Variants in ZNF540 observed in about 807,000 individuals in gnomAD.
The protein encoded by ZNF540 is CTD-3064H18.6.
ZNF540 carries 3 observed loss-of-function variants against 11.8 expected under a neutral mutation model. The ratio of observed to expected loss-of-function variants is 0.25; its 90% CI spans 0.12 to 0.65. The LOEUF (loss-of-function observed/expected upper bound fraction) is 0.65, where lower values mean the gene tolerates loss of function less well. Ranked by LOEUF, ZNF540 falls within the 30% of genes least tolerant of loss-of-function variation. The pLI is 0.83. For synonymous variants in ZNF540, 247 were observed against 259.0 expected (o/e 0.95, Z 0.45); for missense variants, 709 against 793.1 (o/e 0.89, Z 1.27).
upstream of ZNF540, among the ~76,000 whole-genome samples, chr19:37,592,180 C>A (rs1393530221): frequency 3.3e-5 from 5 of 152,048 alleles, no homozygotes; most frequent in Non-Finnish European, 7.4e-5. Context: ...ACCTTTTGAA[C>A]CTGGGAGGTG....
intron 4 of ZNF540, among the ~76,000 whole-genome samples, chr19:37,607,158 T>C (rs143507899): frequency 1.3e-5 from 2 of 152,278 alleles, no homozygotes; most frequent in African/African-American, 4.8e-5. Context: ...ATTAACAAAC[T>C]TTATTTTTAA....
At chr19:37,588,890 A>C (rs771397993) in intron 1 of ZNF540, among the ~76,000 whole-genome samples, 8 of 152,160 alleles carry the variant, frequency 5.3e-5, no homozygotes, top group Non-Finnish European at 1.2e-4. Context: ...CAAATATATA[A>C]GATATCTAAA....
chr19:37,552,027 A>C (rs1480611583), intron 1 of ZNF540, among the ~76,000 whole-genome samples: 6 of 152,030 alleles, frequency 3.9e-5, no homozygotes, highest in East Asian at 1.9e-4. Context: ...TTTAAGTGGG[A>C]ACTTAAACCA....
chr19:37,564,159 C>T (rs2042768260), intron 1 of ZNF540: 1 of 152,302 alleles, frequency 6.6e-6, no homozygotes, highest in Non-Finnish European at 1.5e-5. Flanking sequence ...ATGGTTGCAT[C>T]TTTTTACTGT....
chr19:37,576,643 T>A (rs2043251559), intron 1 of ZNF540, among the ~76,000 whole-genome samples: 1 of 152,168 alleles, frequency 6.6e-6, no homozygotes, highest in Admixed American at 6.6e-5. Flanking sequence ...AAAACATGTT[T>A]AAGATTATAA....
upstream of ZNF540, among the ~76,000 whole-genome samples, chr19:37,592,869 CA>C (rs988110801): frequency 1.4e-4 from 21 of 152,270 alleles, no homozygotes; most frequent in African/African-American, 3.9e-4. Flanking sequence ...AGTTTTTCTA[CA>C]AATCAACAGC....
chr19:37,563,765 A>T (rs2042754543), intron 1 of ZNF540: 1 of 29,410 alleles, frequency 3.4e-5, no homozygotes, highest in Non-Finnish European at 5.6e-5. Flanking sequence ...TATTCCACAT[A>T]CACACATGTG....
In ZNF540 at chr19:37,572,226, T is replaced by C. The variant is rs376445772; in HGVS notation, c.-73+20561T>C. On this transcript the variant is annotated intron_variant, in intron 1 of 4. Transcript: ENST00000592533. ...AATAAAACATTCAGTTGTCAATCTA[T>C]ATAGAAGCTTAAAACTCTTTACTGT... is the stretch of plus-strand genomic sequence containing the variant. 4.2e-5 allele frequency among the ~76,000 whole-genome samples: 6 copies of C among 144,508 alleles called. 1 individual carries two copies. The Admixed American group carries it at 4.2e-4, about 10-fold the overall frequency. 94.8% of individuals were successfully genotyped at this position (144,508 alleles called of 152,430 possible).
intron 1 of ZNF540, chr19:37,554,694 A>C (rs967059429): frequency 6.6e-6 from 1 of 152,104 alleles, no homozygotes; most frequent in Non-Finnish European, 1.5e-5. Context: ...ATTTACATAT[A>C]TCTTTATATT....
intron 1 of ZNF540, chr19:37,555,850 A>T: frequency 1.4e-6 from 1 of 698,666 alleles, no homozygotes; most frequent in Non-Finnish European, 2.6e-6. Context: ...GAGGATTACA[A>T]TTTTTTCTAG....
intron 1 of ZNF540, among the ~76,000 whole-genome samples, chr19:37,561,130 A>G (rs1870062067): frequency 1.3e-5 from 2 of 151,534 alleles, no homozygotes; most frequent in African/African-American, 2.4e-5. Context: ...AGTCCCAGCT[A>G]CTTGGAAGGT....
At chr19:37,568,673 CAG>C (rs2042951107) in intron 1 of ZNF540, among the ~76,000 whole-genome samples, 1 of 152,120 alleles carries the variant, frequency 6.6e-6, no homozygotes, top group African/African-American at 2.4e-5. Flanking sequence ...ACCAAAGTCT[CAG>C]AACTGTGCCC....
Position 37,566,501 on chromosome 19 carries a change from G to A in ZNF540, c.-73+14836G>A, listed in dbSNP as rs1252083582. ...GGAAAGAAGGTAATTAGAAAAATAG[G>A]TTAAGTCAGTGGTTCTCAAACTTTG... On this transcript the variant is annotated intron_variant, in intron 1 of 4. Coordinates refer to the ZNF540 transcript ENST00000592533. 7.6e-6 allele frequency: 4 copies of A among 527,612 alleles called. No homozygotes were observed. In the Admixed American group the frequency reaches 1.1e-4, roughly 15 times the overall value. The allele number at this position is 527,612 out of a possible 1,614,324, so 32.7% of individuals were successfully genotyped here.
chr19:37,600,921 A>T, intron 3 of ZNF540, 89 bp from the exon 4 acceptor site: 1 of 1,091,050 alleles, frequency 9.2e-7, no homozygotes, highest in South Asian at 1.4e-5. Context: ...AATCATGTTG[A>T]TCCATATAAA....
chr19:37,590,104 G>A (rs1041812031), upstream of ZNF540, among the ~76,000 whole-genome samples: 11 of 58,226 alleles, frequency 1.9e-4, no homozygotes, highest in Non-Finnish European at 3.4e-5. Flanking sequence ...CAGATAAGGG[G>A]CAAAAAAAGG....
intron 1 of ZNF540, among the ~76,000 whole-genome samples, chr19:37,589,312 C>T (rs2043795761): frequency 6.6e-6 from 1 of 151,218 alleles, no homozygotes; most frequent in Admixed American, 6.6e-5. Flanking sequence ...ATAAATGTTC[C>T]TACATTTAAA....
At chr19:37,609,189 A>G (rs2044107942) in intron 4 of ZNF540, among the ~76,000 whole-genome samples, 1 of 152,226 alleles carries the variant, frequency 6.6e-6, no homozygotes, top group Non-Finnish European at 1.5e-5. Context: ...TATCAAGTAT[A>G]GGAATGGTTG....
rs978853347 is a variant in ZNF540 at position 37,613,953 on chromosome 19, C to G, written c.*690C>G. ...GAAGAAGCCAAAGAGCCAGCTAGCT[C>G]TTTCAACCACATGAGGTTACAGCAA... On this transcript the variant is annotated 3_prime_UTR_variant, in exon 5 of 5. Coordinates refer to ENST00000316433, the MANE Select transcript of ZNF540 (RefSeq NM_001172225.3). 1.3e-5 allele frequency: 5 copies of G among 398,130 alleles called. No individual in the cohort carries two copies. Among genetic ancestry groups the G allele is most frequent in the African/African-American group, 1.0e-4 (5 of 48,610 alleles). 24.7% of individuals were successfully genotyped at this position (398,130 alleles called of 1,614,324 possible).
chr19:37,582,132 T>G (rs2043491922), intron 1 of ZNF540, among the ~76,000 whole-genome samples: 1 of 152,156 alleles, frequency 6.6e-6, no homozygotes, highest in African/African-American at 2.4e-5. Context: ...CCTTCAACAG[T>G]GCCTGGTGAG....
Sources: allele counts gnomAD v4.1 joint callset (sites outside exome capture counted in the v4.1 genomes callset), GRCh38; gene constraint gnomAD v4.1.1; transcripts MANE v1.5; gene names NCBI Gene and HGNC (gene_info 2026-07-23, HGNC 2026-07-21).